XRN2: variants seen among roughly 807,000 people sequenced by gnomAD.
XRN2 encodes 5'-3' exoribonuclease 2.
A neutral mutation model predicts 138.5 loss-of-function variants in XRN2; 44 were observed. The observed-to-expected ratio is 0.32, with a 90% confidence interval of 0.25 to 0.41. XRN2 has a LOEUF of 0.41. Among genes scored for constraint, XRN2 ranks in the 10% least tolerant of loss-of-function variants. XRN2 has a pLI of 1.00. For synonymous variants in XRN2, 354 were observed against 369.4 expected (o/e 0.96, Z 0.48); for missense variants, 937 against 1,169.3 (o/e 0.80, Z 2.90).
Position 21,386,972 on chromosome 20 carries a change from A to T in XRN2, c.2753A>T (p.Tyr918Phe). The change falls in exon 29 of 30, where the codon TAT becomes TTT. Residue 918 changes from tyrosine (Y) to phenylalanine (F), a missense_variant. By Grantham distance (22) the Tyr-to-Phe change is conservative (BLOSUM62 3). Coordinates refer to ENST00000377191, the MANE Select transcript of XRN2 (RefSeq NM_012255.5). ...CAGATGCTAGCTGGGCCTGGTGGGT[A>T]TCCACCCAGACGAGATGATCGTGGA... ...QYQMLAGPGG[Y>F]PPRRDDRGGR... 6.2e-7 allele frequency: 1 copy of T among 1,613,644 alleles called. No individual in the cohort carries two copies. The highest frequency in any genetic ancestry group is 8.5e-7 in the Non-Finnish European group (1 of 1,179,556).
intron 13 of XRN2, among the ~76,000 whole-genome samples, chr20:21,337,829 A>C (rs953707928): frequency 2.6e-5 from 4 of 152,222 alleles, no homozygotes; most frequent in Non-Finnish European, 4.4e-5. Context: ...AGGTGAGTGT[A>C]GCCTCCTGGA....
rs2038554425 is a variant in XRN2 at position 21,354,659 on chromosome 20, A to T, written c.1937-130A>T. ...TGAGTTTTGGCTTAATGAGACAATA[A>T]GAGTTCAGTTCCAAAATGTTTTTGT... On this transcript the variant is annotated intron_variant, in intron 20 of 29. Transcript: ENST00000377191. 49 of 764,956 alleles carry T rather than the reference A, an allele frequency of 6.4e-5. 1 individual carries two copies. In the South Asian group the frequency reaches 8.9e-4, roughly 14 times the overall value. 47.4% of individuals were successfully genotyped at this position (764,956 alleles called of 1,614,324 possible).
At chr20:21,337,458 A>G (rs1211163738) in intron 13 of XRN2, among the ~76,000 whole-genome samples, 7 of 152,182 alleles carry the variant, frequency 4.6e-5, no homozygotes, top group South Asian at 2.1e-4. Context: ...TGGGGATTCT[A>G]TTTCAGACAT....
intron 15 of XRN2, among the ~76,000 whole-genome samples, chr20:21,343,836 CTT>C (rs944672828): frequency 3.4e-5 from 5 of 147,838 alleles, no homozygotes. Flanking sequence ...TCTTCAGAAA[CTT>C]TTTTTTTTGC....
chr20:21,303,474 G>A lies in XRN2; in HGVS notation c.75+1G>A. 6.5e-7 allele frequency: 1 copy of A among 1,540,268 alleles called. No homozygotes were observed. ...CATAGTCAACTGCGTGGAAGAGAAG[G>A]TGAGGAGGCGCCAGGCGGCCGCCAC... On this transcript the variant is annotated splice_donor_variant, in intron 1 of 29. Coordinates refer to ENST00000377191, the MANE Select transcript of XRN2 (RefSeq NM_012255.5). LOFTEE classifies it high-confidence loss of function.
At chr20:21,368,674 G>T in intron 27 of XRN2, 84 bp downstream of exon 27, 1 of 1,559,084 alleles carries the variant, frequency 6.4e-7, no homozygotes, top group East Asian at 2.3e-5. Flanking sequence ...TGCTGAAAAA[G>T]ATTTGTTGTA....
intron 28 of XRN2, among the ~76,000 whole-genome samples, chr20:21,383,487 G>A (rs1463494194): frequency 6.6e-6 from 1 of 152,102 alleles, no homozygotes; most frequent in Non-Finnish European, 1.5e-5. Flanking sequence ...TTTTGCAAAT[G>A]AAGAAAGTGA....
At chr20:21,373,434 C>A (rs145859955) in intron 27 of XRN2, among the ~76,000 whole-genome samples, 2 of 152,288 alleles carry the variant, frequency 1.3e-5, no homozygotes, top group African/African-American at 2.4e-5. Context: ...TGAAACTGTG[C>A]GTCCTTCAAT....
rs370390912 is a variant in XRN2, at chr20:21,362,564, C to T, written c.2256-2857C>T. Among the ~76,000 whole-genome samples the T allele has an allele frequency of 5.9e-5, 9 of 152,270 alleles. No homozygotes were observed. In the South Asian group the frequency reaches 1.0e-3, roughly 18 times the overall value. ...CTTTATGGGTGTCCCTCTGCTCTCT[C>T]GCACACTGCTGCTGGGTTGTTCTTT... On this transcript the variant is annotated intron_variant, in intron 24 of 29. Coordinates refer to ENST00000377191, the MANE Select transcript of XRN2 (RefSeq NM_012255.5).
At chr20:21,340,183 T>C (rs1051094298) in intron 14 of XRN2, among the ~76,000 whole-genome samples, 1 of 152,120 alleles carries the variant, frequency 6.6e-6, no homozygotes, top group African/African-American at 2.4e-5. Flanking sequence ...TAATCCCAGC[T>C]ACTCGGGAGG....
chr20:21,339,022 T>C, intron 13 of XRN2, 22 bp from the exon 14 acceptor site: 1 of 1,587,702 alleles, frequency 6.3e-7, no homozygotes, highest in East Asian at 2.2e-5. Flanking sequence ...TTTGACAGAA[T>C]ATGTGGATTT....
At chr20:21,341,712 T>C (rs1427638344) in intron 15 of XRN2, among the ~76,000 whole-genome samples, 1 of 152,232 alleles carries the variant, frequency 6.6e-6, no homozygotes, top group African/African-American at 2.4e-5. Context: ...ATTTCTGTTA[T>C]TCTGTTAGTT....
At chr20:21,349,575 TCTACAAAAAATACAAAAATTAG>T in intron 20 of XRN2, 114 bp downstream of exon 20, 1 of 928,394 alleles carries the variant, frequency 1.1e-6, no homozygotes, top group Non-Finnish European at 1.6e-6. Context: ...AAATCTCATT[TCTACAAAAAATACAAAAATTAG>T]CCTGGCGTGG....
chr20:21,358,466 A>G (rs747904739), intron 24 of XRN2, among the ~76,000 whole-genome samples: 5 of 152,172 alleles, frequency 3.3e-5, no homozygotes, highest in African/African-American at 4.8e-5. Context: ...TTTAGTTGTC[A>G]TTTTCTCCAA....
chr20:21,361,112 G>T (rs1029432091), intron 24 of XRN2, among the ~76,000 whole-genome samples: 7 of 152,120 alleles, frequency 4.6e-5, no homozygotes, highest in African/African-American at 1.7e-4. Flanking sequence ...TTCTTAAAGC[G>T]AATCAGAAAA....
rs375792860 is a variant in XRN2, at chr20:21,330,463, G to A, written c.428-18G>A. The A allele has an allele frequency of 1.2e-5, 20 of 1,612,210 alleles. No homozygotes were observed. Among genetic ancestry groups the A allele is most frequent in the South Asian group, 2.2e-5 (2 of 90,788 alleles). ...TCACTTTTTATGGGGAGAACAAAACGTTGCCTCTTTTCTCTAGGTGGCTTT... is the reference window on the plus strand; with the variant it reads ...TCACTTTTTATGGGGAGAACAAAACATTGCCTCTTTTCTCTAGGTGGCTTT... On this transcript the variant is annotated intron_variant, in intron 4 of 29. Transcript: ENST00000377191.
At chr20:21,376,911 G>C (rs2038829124) in intron 27 of XRN2, among the ~76,000 whole-genome samples, 1 of 152,182 alleles carries the variant, frequency 6.6e-6, no homozygotes, top group African/African-American at 2.4e-5. Flanking sequence ...TTGCTCAAGA[G>C]AGAGAGGATG....
Position 21,344,112 on chromosome 20 carries a change from C to T in XRN2, c.1433C>T (p.Thr478Met), listed in dbSNP as rs746357002. The change falls in exon 16 of 30, where the codon ACG becomes ATG. Residue 478 changes from threonine to methionine, a missense_variant. Physicochemically the swap from Thr to Met is moderately conservative, Grantham distance 81. Around this residue, in one of 6 missense-constraint regions of XRN2, gnomAD observed 471 missense variants for 581.2 expected, o/e 0.81. Coordinates refer to ENST00000377191, the MANE Select transcript of XRN2 (RefSeq NM_012255.5). ...NNSSPSISPN[T>M]SFTSDGSPSP... ...CAGAGTCCTTCGATATCTCCTAATA[C>T]GAGTTTCACATCTGATGGCTCCCCG... 6.8e-5 allele frequency: 110 copies of T among 1,612,546 alleles called. No individual in the cohort carries two copies. The highest frequency in any genetic ancestry group is 1.8e-4 in the East Asian group (8 of 44,852).
intron 1 of XRN2, among the ~76,000 whole-genome samples, chr20:21,311,181 G>T (rs1202017433): frequency 6.6e-6 from 1 of 152,118 alleles, no homozygotes. Context: ...TCAAATTGTT[G>T]TGCAACTGTC....
Sources: gnomAD v4.1 joint callset for allele counts (sites outside exome capture counted in the v4.1 genomes callset) on GRCh38, gnomAD v4.1.1 for gene constraint, gnomAD v4.1.1 regional missense constraint, MANE v1.5 for transcripts, NCBI Gene and HGNC (gene_info 2026-07-23, HGNC 2026-07-21) for gene names.